Variants in DTNA observed in about 807,000 individuals in gnomAD.
The protein encoded by DTNA is dystrophin-related protein 3.
Under a neutral mutation model 100.7 loss-of-function variants are expected in DTNA, and 43 were observed. The ratio of observed to expected loss-of-function variants is 0.43; its 90% CI spans 0.33 to 0.55. The LOEUF is 0.55. Ranked by LOEUF, DTNA falls within the 20% of genes least tolerant of loss-of-function variation. DTNA has a pLI of 0.04. For missense variants in DTNA, 798 were observed against 953.9 expected (o/e 0.84, Z 2.15); for synonymous variants, 349 against 347.9 (o/e 1.00, Z -0.04).
chr18:34,697,627 AAGGCTT>A, intron 1 of DTNA, among the ~76,000 whole-genome samples: 1 of 152,306 alleles, frequency 6.6e-6, no homozygotes, highest in African/African-American at 2.4e-5. Flanking sequence ...ATTCCAGGAC[AAGGCTT>A]AGAGTGCAGA....
intron 1 of DTNA, among the ~76,000 whole-genome samples, chr18:34,607,835 C>G (rs2849503): frequency 0.11 from 16,919 of 152,088 alleles, 1,015 homozygotes; most frequent in African/African-American, 0.13. Flanking sequence ...GTCAATAGAT[C>G]AGAAGATACA....
At chr18:34,699,805 C>A (rs776977207) in intron 1 of DTNA, among the ~76,000 whole-genome samples, 18 of 152,068 alleles carry the variant, frequency 1.2e-4, no homozygotes, top group Non-Finnish European at 2.1e-4. Context: ...GTGAAACAGA[C>A]CCATCCATAT....
intron 1 of DTNA, among the ~76,000 whole-genome samples, chr18:34,515,126 T>A (rs2041471961): frequency 6.6e-6 from 1 of 152,090 alleles, no homozygotes; most frequent in Non-Finnish European, 1.5e-5. Flanking sequence ...GCTCAACTCA[T>A]TCCACCTGAC....
chr18:34,776,291 A>C (rs1160236036), intron 3 of DTNA, among the ~76,000 whole-genome samples: 1 of 152,182 alleles, frequency 6.6e-6, no homozygotes, highest in East Asian at 1.9e-4. Context: ...TGACACCCCC[A>C]AAGCATCCTC....
intron 1 of DTNA, chr18:34,493,910 AGCCAGGACT>A (rs1297762284): frequency 1.4e-5 from 2 of 147,632 alleles, no homozygotes; most frequent in Non-Finnish European, 3.0e-5. Flanking sequence ...CGGGCGCCGC[AGCCAGGACT>A]GCGGCGCGGC....
In DTNA at chr18:34,786,754, T is replaced by G. The variant is rs1043462077; in HGVS notation, c.149-7283T>G. 3.9e-5 allele frequency among the ~76,000 whole-genome samples: 6 copies of G among 152,324 alleles called. No individual in the cohort carries two copies. In the East Asian group the frequency reaches 5.8e-4, roughly 15 times the overall value. On this transcript the variant is annotated intron_variant, in intron 3 of 22. Coordinates refer to ENST00000444659, the MANE Select transcript of DTNA (RefSeq NM_001386795.1). ...TTCCTGTTCTCCTAATTAAAGCACATCATAATGCAATGAGTGACCTTCTTA... is the reference window on the plus strand; with the variant it reads ...TTCCTGTTCTCCTAATTAAAGCACAGCATAATGCAATGAGTGACCTTCTTA...
intron 1 of DTNA, among the ~76,000 whole-genome samples, chr18:34,591,582 G>A (rs527288638): frequency 2.0e-5 from 3 of 152,172 alleles, no homozygotes; most frequent in South Asian, 2.1e-4. Context: ...TTGGGAAGGC[G>A]TGTTTTTGAC....
Position 34,888,347 on chromosome 18 carries a change from ACT to A in DTNA, c.*615_*616del, listed in dbSNP as rs2096940756. 1.0e-6 allele frequency: 1 copy of A among 985,632 alleles called. No homozygotes were observed. The allele number at this position is 985,632 out of a possible 1,614,324, so 61.1% of individuals were successfully genotyped here. The stretch of plus-strand genomic sequence containing the variant: ...AAGAATTTGGTTCCTGAGTGTACAA[ACT>A]CAGAGCCCGGAAGCCAAGAAGGGTC... On this transcript the variant is annotated 3_prime_UTR_variant, in exon 23 of 23. Transcript: ENST00000444659.
chr18:34,516,847 G>A (rs548500570), intron 1 of DTNA, among the ~76,000 whole-genome samples: 4 of 152,104 alleles, frequency 2.6e-5, no homozygotes, highest in East Asian at 1.9e-4. Flanking sequence ...TGCAGATAAC[G>A]CAATCATCAC....
intron 13 of DTNA, among the ~76,000 whole-genome samples, chr18:34,843,533 C>T (rs2096312835): frequency 6.6e-6 from 1 of 152,102 alleles, no homozygotes; most frequent in Non-Finnish European, 1.5e-5. Flanking sequence ...CTGTCCTTGA[C>T]TTGCAGATGG....
intron 11 of DTNA, among the ~76,000 whole-genome samples, chr18:34,833,209 T>C (rs1282781199): frequency 6.6e-6 from 1 of 152,132 alleles, no homozygotes; most frequent in Non-Finnish European, 1.5e-5. Flanking sequence ...GCAGAAGTGG[T>C]TTTTAAAAAT....
intron 18 of DTNA, among the ~76,000 whole-genome samples, chr18:34,877,150 G>A (rs2096826595): frequency 6.6e-6 from 1 of 152,064 alleles, no homozygotes; most frequent in East Asian, 1.9e-4. Flanking sequence ...CCTTTCTCAC[G>A]CTCTGGGGGC....
intron 1 of DTNA, among the ~76,000 whole-genome samples, chr18:34,721,281 C>A (rs2085260015): frequency 6.6e-6 from 1 of 152,178 alleles, no homozygotes; most frequent in African/African-American, 2.4e-5. Flanking sequence ...ATAAAGAACT[C>A]TTACATTTAC....
intron 1 of DTNA, among the ~76,000 whole-genome samples, chr18:34,498,442 TATAATAATAATAATAATA>T (rs58997432): frequency 9.2e-5 from 13 of 141,850 alleles, no homozygotes; most frequent in African/African-American, 1.5e-4. Context: ...CAGAAAATAA[TATAATAATAATAATAATA>T]ATAATAATAA....
At chr18:34,765,371 C>T (rs940069416) in intron 2 of DTNA, among the ~76,000 whole-genome samples, 1 of 152,312 alleles carries the variant, frequency 6.6e-6, no homozygotes, top group African/African-American at 2.4e-5. Context: ...AATACTTATG[C>T]AGCATTTACT....
rs1454195165 is a variant in DTNA at position 34,795,613 on chromosome 18, G to A, written c.362+1363G>A. Among the ~76,000 whole-genome samples the A allele has an allele frequency of 3.3e-5, 5 of 152,304 alleles. No individual in the cohort carries two copies. The East Asian group carries it at 5.8e-4, about 18-fold the overall frequency. ...AACCTGGCCCTGTGACAAGAGTGTG[G>A]CAGCTTTCAGATTTGCCCCTAAAGA... On this transcript the variant is annotated intron_variant, in intron 4 of 22. Transcript: ENST00000444659.
intron 2 of DTNA, 41 bp from the exon 3 acceptor site, chr18:34,765,920 C>A (rs567490377): frequency 6.3e-7 from 1 of 1,590,416 alleles, no homozygotes; most frequent in Non-Finnish European, 8.6e-7. Context: ...TTTCTTTCTG[C>A]ACACATGGCA....
In DTNA at chr18:34,829,399, GGTTACCTGAGGGAATAAGT is replaced by G; in HGVS notation, c.1087_1105del (p.Leu363HisfsTer12). The G allele has an allele frequency of 6.5e-7, 1 of 1,535,150 alleles. No individual in the cohort carries two copies. The highest frequency in any genetic ancestry group is 8.7e-7 in the Non-Finnish European group (1 of 1,146,598). Reference sequence around the variant, plus strand: ...GAGGTCTCATTGTTTGACTCCCTCAGGTTACCTGAGGGAATAAGTGCATCCAGCCCTGTGGCTGAAGAGC... The same window carrying G: ...GAGGTCTCATTGTTTGACTCCCTCAGGCATCCAGCCCTGTGGCTGAAGAGC... On this transcript the variant is annotated frameshift_variant and splice_region_variant, in exon 11 of 23. Transcript: ENST00000444659. LOFTEE classifies it high-confidence loss of function.
At chr18:34,581,267 CAAAACAAA>C (rs1256917050) in intron 1 of DTNA, among the ~76,000 whole-genome samples, 10 of 147,648 alleles carry the variant, frequency 6.8e-5, no homozygotes, top group African/African-American at 1.6e-4. Flanking sequence ...CAAAACAAAA[CAAAACAAA>C]AAAACAAAAC....
Sources: gnomAD v4.1 joint callset for allele counts (sites outside exome capture counted in the v4.1 genomes callset) on GRCh38, gnomAD v4.1.1 for gene constraint, MANE v1.5 for transcripts, NCBI Gene and HGNC (gene_info 2026-07-23, HGNC 2026-07-21) for gene names.